NOTCH4: variants seen among roughly 807,000 people sequenced by gnomAD.
The protein encoded by NOTCH4 is neurogenic locus notch homolog protein 4.
In NOTCH4, 138 loss-of-function variants were observed where a neutral mutation model predicts 189.0. The observed-to-expected ratio is 0.73, with a 90% confidence interval of 0.64 to 0.84. The LOEUF is 0.84. Among genes scored for constraint, NOTCH4 ranks in the 40% least tolerant of loss-of-function variants. The probability of loss-of-function intolerance (pLI) is 0.00; values close to 1 mark genes in which losing one functional copy is unlikely to be tolerated. For missense variants in NOTCH4, 2,286 were observed against 2,605.4 expected, an observed-to-expected ratio of 0.88 and a Z score of 2.67; for synonymous variants, 942 against 1,032.8, an observed-to-expected ratio of 0.91 and a Z score of 1.69.
chr6:32,215,354 G>C lies in NOTCH4; in HGVS notation c.1893C>G (p.Pro631=). ...GQLCEVPLCA[P]NLCQPKQICK... is the part of the protein sequence containing the mutation. ...ATATCTGCTTGGGCTGGCACAGGTTGGGAGCACACAGGGGAACCTCACAGA... is the reference window on the plus strand; with the variant it reads ...ATATCTGCTTGGGCTGGCACAGGTTCGGAGCACACAGGGGAACCTCACAGA... The change falls in exon 12 of 30, where the codon CCC becomes CCG. Residue 631 remains proline, a synonymous_variant. Coordinates refer to ENST00000375023, the MANE Select transcript of NOTCH4 (RefSeq NM_004557.4). 2 of 1,611,012 alleles carry C rather than the reference G, an allele frequency of 1.2e-6. No individual in the cohort carries two copies. Among genetic ancestry groups the C allele is most frequent in the South Asian group, 2.2e-5 (2 of 90,400 alleles).
chr6:32,216,914 G>T (rs778752427), intron 11 of NOTCH4, 31 bp downstream of exon 11: 1 of 1,612,444 alleles, frequency 6.2e-7, no homozygotes, highest in Non-Finnish European at 8.5e-7. Flanking sequence ...AAAATATTCT[G>T]CCAGTTCTTT....
At chr6:32,214,376 C>T in intron 12 of NOTCH4, 121 bp from the exon 13 acceptor site, 2 of 1,116,428 alleles carry the variant, frequency 1.8e-6, no homozygotes, top group Non-Finnish European at 2.6e-6. Flanking sequence ...CCTCTTTCTT[C>T]AGTGACTTTG....
Position 32,212,555 on chromosome 6 carries a change from G to A in NOTCH4, c.2599C>T (p.His867Tyr), listed in dbSNP as rs775462558. ...SHCLQTGPSF[H>Y]CLCLQGWTGP... ...GTCCATCCCTGGAGGCACAAGCAGT[G>A]GAAGGAGGGCCCAGTCTGGAGGCAG... Residue 867 changes from histidine to tyrosine, a missense_variant, in exon 17 of 30, where the codon CAC (histidine) becomes TAC (tyrosine). Physicochemically the swap from His to Tyr is moderately conservative, Grantham distance 83. Transcript: ENST00000375023. This position sits in a 1 kb window ranked among gnomAD's most constrained non-coding sequence, Gnocchi z 4.4. 1 of 1,613,224 alleles carries A rather than the reference G, an allele frequency of 6.2e-7. No homozygotes were observed. The highest frequency in any genetic ancestry group is 1.3e-5 in the African/African-American group (1 of 75,040).
Position 32,198,564 on chromosome 6 carries a change from G to A in NOTCH4, c.4618-5C>T, listed in dbSNP as rs772445119. 6.2e-7 allele frequency: 1 copy of A among 1,612,716 alleles called. No individual in the cohort carries two copies. Among genetic ancestry groups the A allele is most frequent in the South Asian group, 1.1e-5 (1 of 91,050 alleles). On this transcript the variant is annotated splice_polypyrimidine_tract_variant and splice_region_variant and intron_variant, in intron 25 of 29. Coordinates refer to ENST00000375023, the MANE Select transcript of NOTCH4 (RefSeq NM_004557.4). The surrounding 1 kb of genome is among the most constrained non-coding windows in gnomAD (Gnocchi z 5.5). Reference sequence around the variant, plus strand: ...GGGTGGGCCTGTTTCTTCAGCCTTTGGGTAACAGCAAGGATCAGTGAAGGT... The same window carrying A: ...GGGTGGGCCTGTTTCTTCAGCCTTTAGGTAACAGCAAGGATCAGTGAAGGT...
In NOTCH4 at chr6:32,212,528, C is replaced by G. The variant is rs941106697; in HGVS notation, c.2626G>C (p.Gly876Arg). The part of the protein sequence containing the change: ...FHCLCLQGWT[G>R]PLCNLPLSSC... ...GACAGTGGAAGGTTGCAGAGAGGCC[C>G]GGTCCATCCCTGGAGGCACAAGCAG... Residue 876 changes from glycine (G) to arginine (R), a missense_variant, in exon 17 of 30, where the codon GGG becomes CGG. Physicochemically the swap from Gly to Arg is moderately radical, Grantham distance 125. Transcript: ENST00000375023. The surrounding 1 kb of genome is among the most constrained non-coding windows in gnomAD (Gnocchi z 4.4). 3 of 1,613,098 alleles carry G rather than the reference C, an allele frequency of 1.9e-6. No individual in the cohort carries two copies. Among genetic ancestry groups the G allele is most frequent in the Non-Finnish European group, 2.5e-6 (3 of 1,179,970 alleles).
Position 32,201,345 on chromosome 6 carries a change from C to G in NOTCH4, c.3911G>C (p.Ser1304Thr). 1 of 1,609,866 alleles carries G rather than the reference C, an allele frequency of 6.2e-7. No individual in the cohort carries two copies. The highest frequency in any genetic ancestry group is 8.5e-7 in the Non-Finnish European group (1 of 1,178,166). The stretch of plus-strand genomic sequence containing the variant: ...CAGCTGCTGGTCTAGGGCTGGGGGG[C>G]TCAGTACCACCAGCAGGGCCAGGGA... The part of the protein sequence containing the change: ...GPSLALLVVL[S>T]PPALDQQLFA... The change falls in exon 22 of 30, where the codon AGC (serine) becomes ACC (threonine). Residue 1304 changes from serine (S) to threonine (T), a missense_variant. This residue lies in a region of NOTCH4 where 1,903 missense variants were observed against 2,261.9 expected (regional missense o/e 0.84). Coordinates refer to ENST00000375023, the MANE Select transcript of NOTCH4 (RefSeq NM_004557.4). This position sits in a 1 kb window ranked among gnomAD's most constrained non-coding sequence, Gnocchi z 5.5.
chr6:32,212,938 T>C lies in NOTCH4; in HGVS notation c.2439-27A>G, dbSNP rs764797754. On this transcript the variant is annotated intron_variant, in intron 15 of 29. Coordinates refer to ENST00000375023, the MANE Select transcript of NOTCH4 (RefSeq NM_004557.4). This position sits in a 1 kb window ranked among gnomAD's most constrained non-coding sequence, Gnocchi z 4.4. ...TGAACAAGACAGAGACAGGGCATGA[T>C]AGGAAGAAGTTCGGGCAACAAGGGG... 44 of 1,551,134 alleles carry C rather than the reference T, an allele frequency of 2.8e-5. No individual in the cohort carries two copies. The African/African-American group carries it at 4.0e-4, about 14-fold the overall frequency.
At chr6:32,220,734 G>C in intron 5 of NOTCH4, 22 bp downstream of exon 5, 1 of 1,613,676 alleles carries the variant, frequency 6.2e-7, no homozygotes, top group Non-Finnish European at 8.5e-7. Context: ...TGGGTGTCAT[G>C]GATGTGGCTT....
intron 14 of NOTCH4, 51 bp downstream of exon 14, chr6:32,213,637 G>C (rs1789172033): frequency 1.3e-6 from 2 of 1,586,252 alleles, no homozygotes; most frequent in African/African-American, 2.7e-5. Flanking sequence ...ACCCTCCTTA[G>C]TTCTTCCATT....
Position 32,201,575 on chromosome 6 carries a change from C to A in NOTCH4, c.3756-75G>T, listed in dbSNP as rs1788357299. 2 of 1,408,806 alleles carry A rather than the reference C, an allele frequency of 1.4e-6. No homozygotes were observed. Among genetic ancestry groups the A allele is most frequent in the Non-Finnish European group, 1.9e-6 (2 of 1,076,862 alleles). The allele number at this position is 1,408,806 out of a possible 1,614,324, so 87.3% of individuals were successfully genotyped here. A position where few individuals can be genotyped will look rare whatever the true frequency, so the allele number is the denominator to read the frequency against. ...TTTCTTCACCCTAGAAAGAATTCCC[C>A]ATATTTTGTGCCCTCTAGGGCTTTG... On this transcript the variant is annotated intron_variant, in intron 21 of 29. Coordinates refer to ENST00000375023, the MANE Select transcript of NOTCH4 (RefSeq NM_004557.4). This position sits in a 1 kb window ranked among gnomAD's most constrained non-coding sequence, Gnocchi z 5.5.
In NOTCH4 at chr6:32,201,739, T is replaced by A; in HGVS notation, c.3756-239A>T. Reference sequence around the variant, plus strand: ...ACCCTCCCAAGCTCTCCTCTGTTTCTAAAGGAGAGTCCCAGGCCCTTTTCC... The same window carrying A: ...ACCCTCCCAAGCTCTCCTCTGTTTCAAAAGGAGAGTCCCAGGCCCTTTTCC... On this transcript the variant is annotated intron_variant, in intron 21 of 29. Transcript: ENST00000375023. The surrounding 1 kb of genome is among the most constrained non-coding windows in gnomAD (Gnocchi z 5.5). 1 of 418,650 alleles carries A rather than the reference T, an allele frequency of 2.4e-6. No homozygotes were observed. Among genetic ancestry groups the A allele is most frequent in the Non-Finnish European group, 4.1e-6 (1 of 241,242 alleles). The allele number at this position is 418,650 out of a possible 1,614,324, so 25.9% of individuals were successfully genotyped here.
rs1561951240 is a variant in NOTCH4 at position 32,222,801 on chromosome 6, G to A, written c.161C>T (p.Ala54Val). The A allele has an allele frequency of 6.2e-7, 1 of 1,608,570 alleles. No homozygotes were observed. Among genetic ancestry groups the A allele is most frequent in the African/African-American group, 1.3e-5 (1 of 74,538 alleles). The change falls in exon 3 of 30, where the codon GCC (alanine) becomes GTC (valine). Residue 54 changes from alanine (A) to valine (V), a missense_variant. Transcript: ENST00000375023. ...LSLGQGTCQC[A>V]PGFLGETCQF... ...GCACGTCTCACCCAGGAAGCCAGGG[G>A]CACACCTGGGCAGGGGAGGAGAGGA...
At chr6:32,207,867 G>A (rs1160096761) in intron 18 of NOTCH4, among the ~76,000 whole-genome samples, 1 of 151,884 alleles carries the variant, frequency 6.6e-6, no homozygotes, top group East Asian at 1.9e-4. Flanking sequence ...GCTGGGCGTG[G>A]TGGTGGGCAC....
rs1435864899 is a variant in NOTCH4 at position 32,195,838 on chromosome 6, G to A, written c.5611C>T (p.Arg1871Cys). ...GCCTGCAGACAAGCTCCGCCCCCAC[G>A]AGGGCCTGCTCCGGCTGACAGCGTC... The part of the protein sequence containing the change: ...CRTLSAGAGP[R>C]GGGACLQART... The change falls in exon 30 of 30, where the codon CGT (arginine) becomes TGT (cysteine). Residue 1871 changes from arginine (R) to cysteine (C), a missense_variant. Physicochemically the swap from Arg to Cys is radical, Grantham distance 180 (BLOSUM62 -3). This residue lies in a region of NOTCH4 where 383 missense variants were observed against 343.5 expected (regional missense o/e 1.11). Transcript: ENST00000375023. The surrounding 1 kb of genome is among the most constrained non-coding windows in gnomAD (Gnocchi z 5.4). The A allele has an allele frequency of 5.6e-6, 9 of 1,598,066 alleles. No homozygotes were observed. The highest frequency in any genetic ancestry group is 2.2e-5 in the East Asian group (1 of 44,750).
Position 32,217,849 on chromosome 6 carries a change from A to T in NOTCH4, c.1624+146T>A. ...GGAAGATTTGGGGATGTAAGAGTAG[A>T]GATTTTGGGGAGCAAAGACAGATTT... On this transcript the variant is annotated intron_variant, in intron 9 of 29. Transcript: ENST00000375023. The surrounding 1 kb of genome is among the most constrained non-coding windows in gnomAD (Gnocchi z 4.2). 1 of 622,298 alleles carries T rather than the reference A, an allele frequency of 1.6e-6. No homozygotes were observed. Among genetic ancestry groups the T allele is most frequent in the Admixed American group, 2.7e-5 (1 of 37,630 alleles). The allele number at this position is 622,298 out of a possible 1,614,324, so 38.5% of individuals were successfully genotyped here.
rs1201985586 is a variant in NOTCH4, at chr6:32,202,091, G to T, written c.3740C>A (p.Thr1247Asn). The T allele has an allele frequency of 6.8e-7, 1 of 1,476,042 alleles. No homozygotes were observed. The highest frequency in any genetic ancestry group is 2.3e-5 in the East Asian group (1 of 43,304). 91.4% of individuals were successfully genotyped at this position (1,476,042 alleles called of 1,614,324 possible). A position where few individuals can be genotyped will look rare whatever the true frequency, so the allele number is the denominator to read the frequency against. ...TCAGGCTCACGTGCAGGCTGGAGGG[G>T]TCTCACAGTCGTAGCCATCAAACAG... ...ECLFDGYDCE[T>N]PPACTPAYDQ... The change falls in exon 21 of 30, where the codon ACC becomes AAC. Residue 1247 changes from threonine (T) to asparagine (N), a missense_variant. This residue lies in a region of NOTCH4 where 1,903 missense variants were observed against 2,261.9 expected (regional missense o/e 0.84). Transcript: ENST00000375023. This position sits in a 1 kb window ranked among gnomAD's most constrained non-coding sequence, Gnocchi z 5.7.
chr6:32,220,917 A>G (rs781449959), intron 4 of NOTCH4, 39 bp from the exon 5 acceptor site: 2 of 1,606,454 alleles, frequency 1.2e-6, no homozygotes, highest in Non-Finnish European at 1.7e-6. Flanking sequence ...GGAGGCTCCA[A>G]CGGAGACATC....
chr6:32,203,596 C>T, intron 20 of NOTCH4, 174 bp downstream of exon 20: 1 of 572,908 alleles, frequency 1.7e-6, no homozygotes, highest in South Asian at 2.6e-5. Flanking sequence ...TCAACTGATC[C>T]TGCCTTGCCT....
intron 20 of NOTCH4, chr6:32,203,527 G>T: frequency 1.9e-6 from 1 of 518,170 alleles, no homozygotes; most frequent in Admixed American, 3.7e-5. Context: ...TTGAGCTTGG[G>T]GAGCTCCTGA....
Sources: gnomAD v4.1 joint callset for allele counts (sites outside exome capture counted in the v4.1 genomes callset) on GRCh38, gnomAD v4.1.1 for gene constraint, gnomAD v4.1.1 regional missense constraint, Gnocchi (gnomAD v3.1) non-coding constraint, MANE v1.5 for transcripts, NCBI Gene and HGNC (gene_info 2026-07-23, HGNC 2026-07-21) for gene names.